ATXN10: variants seen among roughly 807,000 people sequenced by gnomAD.
ATXN10 encodes ataxin-10.
A neutral mutation model predicts 52.9 loss-of-function variants in ATXN10; 28 were observed. That is an observed-to-expected ratio of 0.53 (90% CI 0.39 to 0.73). ATXN10 has a LOEUF of 0.73. ATXN10 is among the 30% of genes least tolerant of loss of function. The pLI is 0.00. For synonymous variants in ATXN10, 226 were observed against 221.5 expected, an observed-to-expected ratio of 1.02 and a Z score of -0.18; for missense variants, 565 against 577.0, an observed-to-expected ratio of 0.98 and a Z score of 0.21.
chr22:45,811,851 C>G (rs2146889887), intron 10 of ATXN10: 1 of 458,978 alleles, frequency 2.2e-6, no homozygotes, highest in East Asian at 7.0e-5. Context: ...AAAACTGGAT[C>G]ATTCCTCTCT....
At chr22:45,797,626 T>G (rs1188465280) in intron 9 of ATXN10, among the ~76,000 whole-genome samples, 4 of 152,150 alleles carry the variant, frequency 2.6e-5, no homozygotes. Flanking sequence ...GTTTCCAACT[T>G]AAGAAGGTAA....
chr22:45,817,702 A>G (rs775762856), intron 10 of ATXN10, among the ~76,000 whole-genome samples: 1 of 152,148 alleles, frequency 6.6e-6, no homozygotes, highest in African/African-American at 2.4e-5. Flanking sequence ...AACCAGATCA[A>G]TGAAGACAAA....
At chr22:45,773,988 G>A (rs1393325571) in intron 9 of ATXN10, among the ~76,000 whole-genome samples, 1 of 152,216 alleles carries the variant, frequency 6.6e-6, no homozygotes, top group African/African-American at 2.4e-5. Context: ...TGTCTGGGTA[G>A]AGAGAATGGC....
rs1470248214 is a variant in ATXN10, at chr22:45,816,610, T to C, written c.1237+9588T>C. On this transcript the variant is annotated intron_variant, in intron 10 of 11. Coordinates refer to ENST00000252934, the MANE Select transcript of ATXN10 (RefSeq NM_013236.4). The surrounding 1 kb of genome is among the most constrained non-coding windows in gnomAD (Gnocchi z 5.8). ...CTGTACCCTGAGTGCATTCCCAACA[T>C]TGGACCCTGTGAACCCAGGGGACTG... 6.6e-6 allele frequency among the ~76,000 whole-genome samples: 1 copy of C among 152,188 alleles called. No homozygotes were observed. The highest frequency in any genetic ancestry group is 1.5e-5 in the Non-Finnish European group (1 of 68,032).
intron 3 of ATXN10, among the ~76,000 whole-genome samples, chr22:45,694,841 T>G (rs1923528802): frequency 7.2e-6 from 1 of 139,784 alleles, no homozygotes; most frequent in East Asian, 2.2e-4. Flanking sequence ...ACTTGGAGGC[T>G]GAGGTAGGAA....
At chr22:45,753,377 C>CA (rs1926057278) in intron 9 of ATXN10, among the ~76,000 whole-genome samples, 1 of 57,814 alleles carries the variant, frequency 1.7e-5, no homozygotes. Flanking sequence ...CTCTTACCAG[C>CA]TTTTTTTTTT....
chr22:45,793,803 C>A, intron 9 of ATXN10: 2 of 1,311,390 alleles, frequency 1.5e-6, no homozygotes. Context: ...TGGGACTTAG[C>A]CTGGGAAGGT....
At chr22:45,710,950 A>T (rs764510897) in intron 5 of ATXN10, among the ~76,000 whole-genome samples, 1 of 152,180 alleles carries the variant, frequency 6.6e-6, no homozygotes, top group Non-Finnish European at 1.5e-5. Flanking sequence ...CCTGAACCAG[A>T]TAAGACTTTG....
chr22:45,812,912 A>T (rs1279247784), intron 10 of ATXN10, among the ~76,000 whole-genome samples: 1 of 152,186 alleles, frequency 6.6e-6, no homozygotes, highest in Non-Finnish European at 1.5e-5. Flanking sequence ...GCAGATTAGA[A>T]GCAAAAACTG....
chr22:45,738,581 G>T, intron 7 of ATXN10, 150 bp from the exon 8 acceptor site: 3 of 654,250 alleles, frequency 4.6e-6, no homozygotes, highest in East Asian at 2.9e-5. Context: ...CTTCTGTTTT[G>T]TTCTTCATAG....
At chr22:45,704,588 G>T (rs1303478889) in intron 5 of ATXN10, among the ~76,000 whole-genome samples, 2 of 152,152 alleles carry the variant, frequency 1.3e-5, no homozygotes, top group Non-Finnish European at 2.9e-5. Flanking sequence ...TTGCTAATGT[G>T]TAGAAATACA....
chr22:45,834,875 T>A (rs922249733), intron 10 of ATXN10, among the ~76,000 whole-genome samples: 2 of 152,180 alleles, frequency 1.3e-5, no homozygotes, highest in African/African-American at 4.8e-5. Context: ...AGATGTGACA[T>A]TGGAGTGCTG....
At position 45,823,262 on chromosome 22, in the gene ATXN10, C is replaced by T; in HGVS notation, c.1237+16240C>T. On this transcript the variant is annotated intron_variant, in intron 10 of 11. Coordinates refer to ENST00000252934, the MANE Select transcript of ATXN10 (RefSeq NM_013236.4). This position sits in a 1 kb window ranked among gnomAD's most constrained non-coding sequence, Gnocchi z 4.9. ...TGATGTTTTAATGAATAAAAATTCC[C>T]AATTTTAATGTAAAATTTATCAGTC... The T allele has an allele frequency of 2.2e-6, 1 of 462,778 alleles. No individual in the cohort carries two copies. Among genetic ancestry groups the T allele is most frequent in the Non-Finnish European group, 4.5e-6 (1 of 224,310 alleles). The allele number at this position is 462,778 out of a possible 1,614,324, so 28.7% of individuals were successfully genotyped here. A position where few individuals can be genotyped will look rare whatever the true frequency, so the allele number is the denominator to read the frequency against.
chr22:45,671,956 C>A lies in ATXN10; in HGVS notation c.-108C>A. Reference sequence around the variant, plus strand: ...CGGTTAGGGCTGTGTAGGGCGAGGCCTCCCCCTTCCTCCTCGCCATCCTAC... The same window carrying A: ...CGGTTAGGGCTGTGTAGGGCGAGGCATCCCCCTTCCTCCTCGCCATCCTAC... On this transcript the variant is annotated 5_prime_UTR_variant, in exon 1 of 12. Coordinates refer to ENST00000252934, the MANE Select transcript of ATXN10 (RefSeq NM_013236.4). The A allele has an allele frequency of 7.8e-7, 1 of 1,284,842 alleles. No individual in the cohort carries two copies. The highest frequency in any genetic ancestry group is 1.1e-6 in the Non-Finnish European group (1 of 935,076). The allele number at this position is 1,284,842 out of a possible 1,614,324, so 79.6% of individuals were successfully genotyped here.
rs1276945077 is a variant in ATXN10 at position 45,681,157 on chromosome 22, T to C, written c.117-8555T>C. 6.6e-6 allele frequency among the ~76,000 whole-genome samples: 1 copy of C among 152,204 alleles called. No individual in the cohort carries two copies. Among genetic ancestry groups the C allele is most frequent in the African/African-American group, 2.4e-5 (1 of 41,456 alleles). On this transcript the variant is annotated intron_variant, in intron 1 of 11. Transcript: ENST00000252934. This position sits in a 1 kb window ranked among gnomAD's most constrained non-coding sequence, Gnocchi z 4.2. ...CTTGAAGAGTTTAGCCCTGGCTCAC[T>C]TTTCACTCTATTTCTTCTCCTGTCT...
intron 1 of ATXN10, among the ~76,000 whole-genome samples, chr22:45,687,952 G>A (rs1286241044): frequency 6.6e-6 from 1 of 152,160 alleles, no homozygotes; most frequent in East Asian, 1.9e-4. Context: ...AGCTACTCGG[G>A]AGGCTGAGGC....
intron 7 of ATXN10, among the ~76,000 whole-genome samples, chr22:45,736,719 G>C (rs539611323): frequency 3.9e-5 from 6 of 151,996 alleles, no homozygotes; most frequent in African/African-American, 1.5e-4. Context: ...CGTTCCAGAG[G>C]CATATTCAGA....
chr22:45,808,208 G>GC lies in ATXN10; in HGVS notation c.1237+1192dup, dbSNP rs149919049. Among the ~76,000 whole-genome samples, 680 of 151,998 alleles carry GC rather than the reference G, an allele frequency of 4.5e-3. 7 individuals are homozygous for GC. Among genetic ancestry groups the GC allele is most frequent in the African/African-American group, 0.016 (652 of 41,448 alleles). ...ATTAAAGAGTGTTGACATTTTTTTA[G>GC]CCCCCCAAAAAGGAAAGAAAAAAGA... On this transcript the variant is annotated intron_variant, in intron 10 of 11. Transcript: ENST00000252934.
intron 9 of ATXN10, among the ~76,000 whole-genome samples, chr22:45,741,138 C>T (rs754641741): frequency 1.1e-4 from 17 of 152,184 alleles, no homozygotes; most frequent in South Asian, 8.3e-4. Flanking sequence ...AGTTTTACTT[C>T]GGGTGGCATT....
Sources: gnomAD v4.1 joint callset for allele counts (sites outside exome capture counted in the v4.1 genomes callset) on GRCh38, gnomAD v4.1.1 for gene constraint, Gnocchi (gnomAD v3.1) non-coding constraint, MANE v1.5 for transcripts, NCBI Gene and HGNC (gene_info 2026-07-23, HGNC 2026-07-21) for gene names.